The following XKR4 variants were observed in gnomAD, a reference collection of about 807,000 sequenced individuals.
XKR4 encodes the protein XK-related protein 4.
In XKR4, 12 loss-of-function variants were observed where a neutral mutation model predicts 53.9. The ratio of observed to expected loss-of-function variants is 0.22; its 90% CI spans 0.14 to 0.36. The LOEUF is 0.36. Ranked by LOEUF, XKR4 falls within the 10% of genes least tolerant of loss-of-function variation. The pLI is 1.00. For synonymous variants in XKR4, 354 were observed against 362.4 expected, an observed-to-expected ratio of 0.98 and a Z score of 0.26; for missense variants, 799 against 859.5, an observed-to-expected ratio of 0.93 and a Z score of 0.88.
chr8:55,343,596 C>A (rs1005376717), intron 1 of XKR4, among the ~76,000 whole-genome samples: 7 of 152,172 alleles, frequency 4.6e-5, no homozygotes, highest in African/African-American at 1.7e-4. Flanking sequence ...CTGCTCTCCT[C>A]CCAGAATCTT....
intron 2 of XKR4, among the ~76,000 whole-genome samples, chr8:55,510,324 C>T (rs546489291): frequency 5.3e-5 from 8 of 152,132 alleles, no homozygotes; most frequent in Non-Finnish European, 8.8e-5. Context: ...AGAAGGTGGA[C>T]GAGAAGCGGG....
At chr8:55,188,919 T>A (rs1817411107) in intron 1 of XKR4, among the ~76,000 whole-genome samples, 1 of 152,140 alleles carries the variant, frequency 6.6e-6, no homozygotes, top group Admixed American at 6.5e-5. Context: ...TCAGTTAAAG[T>A]CGGTTATTAT....
intron 1 of XKR4, among the ~76,000 whole-genome samples, chr8:55,212,095 A>G (rs1817739424): frequency 6.6e-6 from 1 of 151,712 alleles, no homozygotes. Context: ...CCTGGAATCA[A>G]TAGAAGGGAG....
intron 1 of XKR4, among the ~76,000 whole-genome samples, chr8:55,166,641 G>A (rs1027452161): frequency 6.6e-6 from 1 of 152,130 alleles, no homozygotes; most frequent in African/African-American, 2.4e-5. Context: ...AGGAGTTTTG[G>A]GTATGCTGTT....
chr8:55,140,238 C>A lies in XKR4; in HGVS notation c.806+36944C>A, dbSNP rs1395910130. 8 of 343,446 alleles carry A rather than the reference C, an allele frequency of 2.3e-5. No homozygotes were observed. In the East Asian group the frequency reaches 7.4e-4, roughly 32 times the overall value. 21.3% of individuals were successfully genotyped at this position (343,446 alleles called of 1,614,324 possible). ...GACTCTAATAAATAATGATTAGTTT[C>A]AAATCATAGATTCCATTTTAACTCT... is the stretch of plus-strand genomic sequence containing the variant. On this transcript the variant is annotated intron_variant, in intron 1 of 2. Coordinates refer to ENST00000327381, the MANE Select transcript of XKR4 (RefSeq NM_052898.2).
chr8:55,468,904 T>C (rs1188458934), intron 2 of XKR4, among the ~76,000 whole-genome samples: 1 of 152,164 alleles, frequency 6.6e-6, no homozygotes, highest in Non-Finnish European at 1.5e-5. Flanking sequence ...ATTCTGACTA[T>C]GCATTCTTGT....
chr8:55,229,023 A>AAAC (rs553279676), intron 1 of XKR4, among the ~76,000 whole-genome samples: 2,405 of 152,180 alleles, frequency 0.016, 69 homozygotes, highest in African/African-American at 0.054. Context: ...AAACAAAACA[A>AAAC]AACAACAACA....
intron 2 of XKR4, among the ~76,000 whole-genome samples, chr8:55,515,588 A>G (rs1363173702): frequency 1.3e-5 from 2 of 152,232 alleles, no homozygotes; most frequent in Non-Finnish European, 2.9e-5. Flanking sequence ...ATTCAACTCA[A>G]GTATGGAACT....
intron 2 of XKR4, among the ~76,000 whole-genome samples, chr8:55,495,450 C>T (rs1373927029): frequency 6.6e-6 from 1 of 152,226 alleles, no homozygotes; most frequent in African/African-American, 2.4e-5. Flanking sequence ...AGCTGTGCTT[C>T]CTCACAGCCT....
At chr8:55,497,985 C>T (rs538348094) in intron 2 of XKR4, among the ~76,000 whole-genome samples, 1 of 152,214 alleles carries the variant, frequency 6.6e-6, no homozygotes, top group African/African-American at 2.4e-5. Context: ...TCTGGTCACA[C>T]CCACTCCAGG....
intron 1 of XKR4, among the ~76,000 whole-genome samples, chr8:55,317,762 A>G (rs1412915695): frequency 6.6e-6 from 1 of 152,170 alleles, no homozygotes; most frequent in East Asian, 1.9e-4. Flanking sequence ...CATGATGTCA[A>G]GAAAATACTG....
At chr8:55,186,384 T>C (rs192125481) in intron 1 of XKR4, among the ~76,000 whole-genome samples, 1 of 152,176 alleles carries the variant, frequency 6.6e-6, no homozygotes, top group African/African-American at 2.4e-5. Flanking sequence ...GGCCGGGCGC[T>C]GTGGCTCATG....
chr8:55,541,269 T>A lies in XKR4; in HGVS notation c.*17042T>A, dbSNP rs1807096860. 6.6e-6 allele frequency: 1 copy of A among 152,202 alleles called. No homozygotes were observed. The highest frequency in any genetic ancestry group is 1.5e-5 in the Non-Finnish European group (1 of 68,032). 9.4% of individuals were successfully genotyped at this position (152,202 alleles called of 1,614,324 possible). A position where few individuals can be genotyped will look rare whatever the true frequency, so the allele number is the denominator to read the frequency against. On this transcript the variant is annotated 3_prime_UTR_variant, in exon 3 of 3. Coordinates refer to ENST00000327381, the MANE Select transcript of XKR4 (RefSeq NM_052898.2). Reference sequence around the variant, plus strand: ...CCAACCTCAGGAGGTTGTACTTAATTTTGTTTGTTTGTTTCTAAGGTTGGT... The same window carrying A: ...CCAACCTCAGGAGGTTGTACTTAATATTGTTTGTTTGTTTCTAAGGTTGGT...
At chr8:55,359,430 T>C (rs777212418) in intron 2 of XKR4, among the ~76,000 whole-genome samples, 4 of 152,226 alleles carry the variant, frequency 2.6e-5, no homozygotes, top group Non-Finnish European at 4.4e-5. Context: ...AATAGGCATA[T>C]AATGCCAGGT....
intron 1 of XKR4, among the ~76,000 whole-genome samples, chr8:55,302,223 G>A (rs893241831): frequency 2.8e-4 from 43 of 152,310 alleles, no homozygotes; most frequent in Admixed American, 2.7e-3. Flanking sequence ...TGGCCAGCCA[G>A]TTTTCCCAGC....
At chr8:55,322,451 G>T (rs534701133) in intron 1 of XKR4, among the ~76,000 whole-genome samples, 1 of 152,154 alleles carries the variant, frequency 6.6e-6, no homozygotes, top group East Asian at 1.9e-4. Context: ...TATCATACAT[G>T]CCATCTCTTA....
chr8:55,145,200 A>G (rs1816756321), intron 1 of XKR4, among the ~76,000 whole-genome samples: 1 of 152,024 alleles, frequency 6.6e-6, no homozygotes. Flanking sequence ...CCTTCATAGA[A>G]CACGCCTACT....
intron 2 of XKR4, among the ~76,000 whole-genome samples, chr8:55,511,435 T>C (rs1307118504): frequency 1.3e-5 from 2 of 152,178 alleles, no homozygotes; most frequent in Non-Finnish European, 2.9e-5. Flanking sequence ...CCCTCTACCT[T>C]CTGCCTTCCC....
At position 55,539,065 on chromosome 8, in the gene XKR4, A is replaced by T. The variant is rs1249209468; in HGVS notation, c.*14838A>T. 2 of 152,234 alleles carry T rather than the reference A, an allele frequency of 1.3e-5. No homozygotes were observed. The highest frequency in any genetic ancestry group is 2.9e-5 in the Non-Finnish European group (2 of 68,034). 9.4% of individuals were successfully genotyped at this position (152,234 alleles called of 1,614,324 possible). On this transcript the variant is annotated 3_prime_UTR_variant, in exon 3 of 3. Transcript: ENST00000327381. ...ACACAGTGTGAAAACAACATCAGAGAATATCCTGTACAACTTCCCCAAAAG... is the reference window on the plus strand; with the variant it reads ...ACACAGTGTGAAAACAACATCAGAGTATATCCTGTACAACTTCCCCAAAAG...
Sources: allele counts gnomAD v4.1 joint callset (sites outside exome capture counted in the v4.1 genomes callset), GRCh38; gene constraint gnomAD v4.1.1; transcripts MANE v1.5; gene names NCBI Gene and HGNC (gene_info 2026-07-23, HGNC 2026-07-21).